Variants in LRP10 observed in about 807,000 individuals in gnomAD.
LRP10 encodes the protein low-density lipoprotein receptor-related protein 10.
A neutral mutation model predicts 58.5 loss-of-function variants in LRP10; 42 were observed. The ratio of observed to expected loss-of-function variants is 0.72; its 90% CI spans 0.56 to 0.93. The LOEUF (loss-of-function observed/expected upper bound fraction) is 0.93, where lower values mean the gene tolerates loss of function less well. Among genes scored for constraint, LRP10 ranks in the 40% least tolerant of loss-of-function variants. The probability of loss-of-function intolerance (pLI) is 0.00; values close to 1 mark genes in which losing one functional copy is unlikely to be tolerated. For missense variants in LRP10, 872 were observed against 940.1 expected, an observed-to-expected ratio of 0.93 and a Z score of 0.95; for synonymous variants, 377 against 388.5, an observed-to-expected ratio of 0.97 and a Z score of 0.35.
intron 6 of LRP10, 39 bp downstream of exon 6, chr14:22,876,857 A>T (rs769439084): frequency 6.2e-7 from 1 of 1,607,984 alleles, no homozygotes; most frequent in African/African-American, 1.3e-5. Context: ...TCCTGGTCCC[A>T]GTTCTGCTGT....
In LRP10 at chr14:22,876,127, G is replaced by C; in HGVS notation, c.1179G>C (p.Glu393Asp). 6.2e-7 allele frequency: 1 copy of C among 1,614,220 alleles called. No individual in the cohort carries two copies. Among genetic ancestry groups the C allele is most frequent in the East Asian group, 2.2e-5 (1 of 44,890 alleles). Residue 393 changes from glutamate to aspartate, a missense_variant, in exon 5 of 7, where the codon GAG becomes GAC. Physicochemically the swap from Glu to Asp is conservative, Grantham distance 45. Coordinates refer to ENST00000359591, the MANE Select transcript of LRP10 (RefSeq NM_014045.5). The part of the protein sequence containing the change: ...YQTFCADGAD[E>D]RRCRHCQPGN... ...CTTTCTGTGCTGATGGAGCAGATGA[G>C]AGACGCTGTCGGCATTGCCAGCCTG... is the stretch of plus-strand genomic sequence containing the variant.
At chr14:22,874,959 G>A (rs2039986533) in intron 3 of LRP10, 96 bp from the exon 4 acceptor site, 2 of 802,060 alleles carry the variant, frequency 2.5e-6, no homozygotes, top group Non-Finnish European at 3.7e-6. Context: ...AGATGTTTAT[G>A]CTTCCTGGGA....
chr14:22,876,711 A>C lies in LRP10; in HGVS notation c.1447A>C (p.Met483Leu), dbSNP rs918966267. Residue 483 changes from methionine (M) to leucine (L), a missense_variant, in exon 6 of 7, where the codon ATG (methionine) becomes CTG (leucine). Met to Leu is a conservative substitution (Grantham distance 15). Coordinates refer to ENST00000359591, the MANE Select transcript of LRP10 (RefSeq NM_014045.5). The part of the protein sequence containing the change: ...EYSIFAPLSR[M>L]EAEIVQQQAP... Reference sequence around the variant, plus strand: ...TAGCATCTTTGCCCCCCTCTCCCGGATGGAGGCTGAGATTGTGCAGCAGCA... The same window carrying C: ...TAGCATCTTTGCCCCCCTCTCCCGGCTGGAGGCTGAGATTGTGCAGCAGCA... 9.3e-6 allele frequency: 15 copies of C among 1,613,704 alleles called. No homozygotes were observed. The African/African-American group carries it at 1.3e-4, about 14-fold the overall frequency.
rs536721955 is a variant in LRP10, at chr14:22,879,179, A to T, written c.*1652A>T. The T allele has an allele frequency of 1.9e-3, 860 of 456,628 alleles. 11 individuals are homozygous for T. In the Middle Eastern group the frequency reaches 0.019, roughly 10 times the overall value. 28.3% of individuals were successfully genotyped at this position (456,628 alleles called of 1,614,324 possible). A position where few individuals can be genotyped will look rare whatever the true frequency, so the allele number is the denominator to read the frequency against. On this transcript the variant is annotated 3_prime_UTR_variant, in exon 7 of 7. Coordinates refer to ENST00000359591, the MANE Select transcript of LRP10 (RefSeq NM_014045.5). ...CCTCCTCAAACCCAGCACTAATTGC[A>T]CAATTTTCCTCTCTTCTAGTGAGCA...
chr14:22,877,092 C>T lies in LRP10; in HGVS notation c.1707C>T (p.Thr569=). Residue 569 remains threonine (T), a synonymous_variant, in exon 7 of 7, where the codon ACC becomes ACT. Transcript: ENST00000359591. The surrounding 1 kb of genome is among the most constrained non-coding windows in gnomAD (Gnocchi z 5.1). ...GCCGCTGGGGCTTGCTCCCTCGAAC[C>T]AACACCCCGGCTCGGGCCTCTGAGG... ...RLRRWGLLPR[T]NTPARASEAR... is the part of the protein sequence containing the mutation. 6.2e-7 allele frequency: 1 copy of T among 1,613,882 alleles called. No individual in the cohort carries two copies. Among genetic ancestry groups the T allele is most frequent in the Non-Finnish European group, 8.5e-7 (1 of 1,179,902 alleles).
intron 1 of LRP10, 37 bp downstream of exon 1, chr14:22,872,374 T>C (rs1272828214): frequency 6.2e-7 from 1 of 1,613,518 alleles, no homozygotes; most frequent in East Asian, 2.2e-5. Flanking sequence ...CAGCCTTCTG[T>C]CACCGGGCCA....
rs1199330880 is a variant in LRP10, at chr14:22,879,454, G to T, written c.*1927G>T. ...GTGAAGCAGTGATTTTCCCTCCCCTGCCTCTCCATAGCCTGGTCTTTTGCC... is the reference window on the plus strand; with the variant it reads ...GTGAAGCAGTGATTTTCCCTCCCCTTCCTCTCCATAGCCTGGTCTTTTGCC... On this transcript the variant is annotated 3_prime_UTR_variant, in exon 7 of 7. Coordinates refer to ENST00000359591, the MANE Select transcript of LRP10 (RefSeq NM_014045.5). 4 of 268,096 alleles carry T rather than the reference G, an allele frequency of 1.5e-5. No homozygotes were observed. Among genetic ancestry groups the T allele is most frequent in the African/African-American group, 8.7e-5 (4 of 45,834 alleles). The allele number at this position is 268,096 out of a possible 1,614,324, so 16.6% of individuals were successfully genotyped here.
rs1185564902 is a variant in LRP10, at chr14:22,878,040, C to T, written c.*513C>T. On this transcript the variant is annotated 3_prime_UTR_variant, in exon 7 of 7. Coordinates refer to ENST00000359591, the MANE Select transcript of LRP10 (RefSeq NM_014045.5). ...CTTCTATTCCATAGCTACGGCATTG[C>T]TCAGTAAGTTGAGGTCAAAAATAAA... The T allele has an allele frequency of 6.5e-6, 1 of 152,882 alleles. No homozygotes were observed. The allele number at this position is 152,882 out of a possible 1,614,324, so 9.5% of individuals were successfully genotyped here. A position where few individuals can be genotyped will look rare whatever the true frequency, so the allele number is the denominator to read the frequency against.
rs760647527 is a variant in LRP10, at chr14:22,875,987, G to A, written c.1039G>A (p.Gly347Ser). 5.6e-6 allele frequency: 9 copies of A among 1,613,396 alleles called. No homozygotes were observed. The highest frequency in any genetic ancestry group is 5.0e-5 in the Admixed American group (3 of 60,022). ...TGACGGCTCATGGGACTGTGCTGAC[G>A]GCACAGATGAGGAGGACTGCCCAGG... is the stretch of plus-strand genomic sequence containing the variant. ...RCDGSWDCAD[G>S]TDEEDCPGCP... The change falls in exon 5 of 7, where the codon GGC (glycine) becomes AGC (serine). Residue 347 changes from glycine to serine, a missense_variant. Physicochemically the swap from Gly to Ser is moderately conservative, Grantham distance 56 (BLOSUM62 0). Coordinates refer to ENST00000359591, the MANE Select transcript of LRP10 (RefSeq NM_014045.5).
At chr14:22,873,151 C>A in intron 2 of LRP10, 160 bp from the exon 3 acceptor site, 1 of 807,830 alleles carries the variant, frequency 1.2e-6, no homozygotes, top group Non-Finnish European at 2.0e-6. Context: ...AAGAGCGAAG[C>A]TAGAAGGCTG....
chr14:22,873,469 G>T, intron 3 of LRP10, 23 bp downstream of exon 3: 1 of 1,611,848 alleles, frequency 6.2e-7, no homozygotes, highest in African/African-American at 1.3e-5. Context: ...ACAAGAGCAA[G>T]AACCCATTCT....
chr14:22,876,204 A>G lies in LRP10; in HGVS notation c.1256A>G (p.Asp419Gly), dbSNP rs1446045686. 1 of 1,614,076 alleles carries G rather than the reference A, an allele frequency of 6.2e-7. No individual in the cohort carries two copies. The highest frequency in any genetic ancestry group is 1.1e-5 in the South Asian group (1 of 91,094). ...TGCGTGTATGAGACGTGGGTGTGCG[A>G]TGGGCAGCCAGACTGTGCGGACGGC... ...EKCVYETWVC[D>G]GQPDCADGSD... is the part of the protein sequence containing the mutation. Residue 419 changes from aspartate to glycine, a missense_variant, in exon 5 of 7, where the codon GAT (aspartate) becomes GGT (glycine). Physicochemically the swap from Asp to Gly is moderately conservative, Grantham distance 94. Coordinates refer to ENST00000359591, the MANE Select transcript of LRP10 (RefSeq NM_014045.5).
intron 3 of LRP10, 72 bp downstream of exon 3, chr14:22,873,518 G>C: frequency 6.7e-7 from 1 of 1,491,182 alleles, no homozygotes; most frequent in Admixed American, 2.2e-5. Flanking sequence ...AGTCTTCAGG[G>C]ATCACTTCTT....
At chr14:22,872,562 C>T (rs1322699575) in intron 1 of LRP10, among the ~76,000 whole-genome samples, 176 bp from the exon 2 acceptor site, 1 of 152,052 alleles carries the variant, frequency 6.6e-6, no homozygotes, top group African/African-American at 2.4e-5. Flanking sequence ...CCCACAAGGC[C>T]CTGCTGCCGG....
intron 3 of LRP10, 104 bp from the exon 4 acceptor site, chr14:22,874,951 A>G: frequency 1.4e-6 from 1 of 691,732 alleles, no homozygotes; most frequent in East Asian, 2.9e-5. Context: ...GGATAAGCAG[A>G]TGTTTATGCT....
Position 22,875,169 on chromosome 14 carries a change from C to T in LRP10, c.330C>T (p.Gly110=), listed in dbSNP as rs781728163. 2 of 1,613,564 alleles carry T rather than the reference C, an allele frequency of 1.2e-6. No homozygotes were observed. The highest frequency in any genetic ancestry group is 1.7e-6 in the Non-Finnish European group (2 of 1,179,758). Residue 110 remains glycine, a synonymous_variant, in exon 4 of 7, where the codon GGC becomes GGT. Coordinates refer to ENST00000359591, the MANE Select transcript of LRP10 (RefSeq NM_014045.5). ...CCAGCCCTCTGCAGCTGCCCGGGGG[C>T]AACGTCACCATCACTTACAGCTATG... ...APPSPLQLPG[G]NVTITYSYAG...
chr14:22,874,887 C>CTAAA (rs1036768461), intron 3 of LRP10, among the ~76,000 whole-genome samples, 168 bp from the exon 4 acceptor site: 4 of 152,102 alleles, frequency 2.6e-5, no homozygotes, highest in East Asian at 1.9e-4. Context: ...AACTCTGTCT[C>CTAAA]TAAATAAATA....
At position 22,872,797 on chromosome 14, in the gene LRP10, C is replaced by T. The variant is rs180774401; in HGVS notation, c.79+15C>T. 2.0e-4 allele frequency: 318 copies of T among 1,613,966 alleles called. No individual in the cohort carries two copies. Among genetic ancestry groups the T allele is most frequent in the African/African-American group, 1.1e-3 (80 of 75,024 alleles). On this transcript the variant is annotated intron_variant, in intron 2 of 6. Transcript: ENST00000359591. ...TCCAAATCATGGTGAGTTGAGGGAA[C>T]CTCTGGGGCTCCGTGGGCTTGGGAA...
rs1301244192 is a variant in LRP10, at chr14:22,877,559, C to T, written c.*32C>T. ...CTGGGGGCTCTACTGAGGCCTCTCC[C>T]CTGGGGGCTCTACTCATAGTGGCAC... On this transcript the variant is annotated 3_prime_UTR_variant, in exon 7 of 7. Transcript: ENST00000359591. The surrounding 1 kb of genome is among the most constrained non-coding windows in gnomAD (Gnocchi z 5.1). 1.4e-6 allele frequency: 2 copies of T among 1,478,510 alleles called. 1 individual carries two copies. The highest frequency in any genetic ancestry group is 2.6e-5 in the South Asian group (2 of 77,004). The allele number at this position is 1,478,510 out of a possible 1,614,324, so 91.6% of individuals were successfully genotyped here. A position where few individuals can be genotyped will look rare whatever the true frequency, so the allele number is the denominator to read the frequency against.
Sources: allele counts gnomAD v4.1 joint callset (sites outside exome capture counted in the v4.1 genomes callset), GRCh38; gene constraint gnomAD v4.1.1; non-coding constraint Gnocchi (gnomAD v3.1); transcripts MANE v1.5; gene names NCBI Gene and HGNC (gene_info 2026-07-23, HGNC 2026-07-21).